ANKRD17: variants seen among roughly 807,000 people sequenced by gnomAD.
The protein encoded by ANKRD17 is ankyrin repeat domain 17, also known as ankyrin repeat domain-containing protein 17.
In ANKRD17, 19 loss-of-function variants were observed where a neutral mutation model predicts 229.7. The ratio of observed to expected loss-of-function variants is 0.08; its 90% CI spans 0.06 to 0.12. The LOEUF is 0.12. ANKRD17 is among the 10% of genes least tolerant of loss of function. The probability of loss-of-function intolerance (pLI) is 1.00; values close to 1 mark genes in which losing one functional copy is unlikely to be tolerated. For missense variants in ANKRD17, 2,176 were observed against 3,176.8 expected, an observed-to-expected ratio of 0.68 and a Z score of 7.57; for synonymous variants, 1,112 against 1,146.1, an observed-to-expected ratio of 0.97 and a Z score of 0.60.
At chr4:73,143,985 C>A (rs527237482) in intron 11 of ANKRD17, among the ~76,000 whole-genome samples, 2 of 152,168 alleles carry the variant, frequency 1.3e-5, no homozygotes, top group African/African-American at 4.8e-5. Flanking sequence ...AAAGGACCCT[C>A]CTGACTCGAG....
chr4:73,135,868 C>T (rs1423777731), intron 15 of ANKRD17, among the ~76,000 whole-genome samples: 1 of 152,160 alleles, frequency 6.6e-6, no homozygotes, highest in Non-Finnish European at 1.5e-5. Flanking sequence ...AGTGTAGTTG[C>T]TCATGTGAAG....
chr4:73,210,465 G>A (rs1343616351), intron 1 of ANKRD17, among the ~76,000 whole-genome samples: 3 of 152,088 alleles, frequency 2.0e-5, no homozygotes, highest in Non-Finnish European at 4.4e-5. Context: ...GTGTATATGT[G>A]TCATGCTCAC....
chr4:73,114,091 TGAA>T (rs1295211280), intron 23 of ANKRD17, among the ~76,000 whole-genome samples, 183 bp from the exon 24 acceptor site: 2 of 152,210 alleles, frequency 1.3e-5, no homozygotes, highest in Admixed American at 6.5e-5. Flanking sequence ...TATATACAAA[TGAA>T]GAATCAAAGA....
At chr4:73,142,494 GT>G (rs1259342236) in intron 12 of ANKRD17, 109 bp from the exon 13 acceptor site, 4 of 1,569,076 alleles carry the variant, frequency 2.5e-6, no homozygotes, top group Non-Finnish European at 3.5e-6. Flanking sequence ...AAAATCATAG[GT>G]TTGGTAAAGA....
chr4:73,109,078 T>C (rs998722279), intron 24 of ANKRD17, among the ~76,000 whole-genome samples: 5 of 152,288 alleles, frequency 3.3e-5, no homozygotes, highest in East Asian at 3.9e-4. Context: ...GGCGGGCAGA[T>C]TGCCTGAGGT....
At chr4:73,238,187 C>T (rs1048333453) in intron 1 of ANKRD17, among the ~76,000 whole-genome samples, 6 of 151,874 alleles carry the variant, frequency 4.0e-5, no homozygotes, top group Non-Finnish European at 5.9e-5. Context: ...TTATGAAAAT[C>T]CTTATAGGTC....
At chr4:73,182,375 TG>T (rs1422817199) in intron 1 of ANKRD17, among the ~76,000 whole-genome samples, 2 of 152,102 alleles carry the variant, frequency 1.3e-5, no homozygotes, top group African/African-American at 4.8e-5. Flanking sequence ...TGTTTACACA[TG>T]AAAAAACCAG....
At position 73,094,059 on chromosome 4, in the gene ANKRD17, T is replaced by C. The variant is rs772312758; in HGVS notation, c.5327+20A>G. On this transcript the variant is annotated intron_variant, in intron 28 of 33. Coordinates refer to ENST00000358602, the MANE Select transcript of ANKRD17 (RefSeq NM_032217.5). ...AGTGCAATAAAATAAAGGAAGAAAA[T>C]GTAAGAGACAAAGTTTTGCCTTATA... The C allele has an allele frequency of 1.4e-5, 23 of 1,610,250 alleles. No individual in the cohort carries two copies. The highest frequency in any genetic ancestry group is 1.8e-5 in the Non-Finnish European group (21 of 1,177,356).
chr4:73,175,424 G>T (rs1418841249), intron 2 of ANKRD17, among the ~76,000 whole-genome samples: 1 of 152,118 alleles, frequency 6.6e-6, no homozygotes, highest in Non-Finnish European at 1.5e-5. Context: ...TAAGATTTTG[G>T]TGGGGACACA....
intron 1 of ANKRD17, among the ~76,000 whole-genome samples, chr4:73,179,518 ATTTTT>A (rs56182757): frequency 4.9e-5 from 2 of 40,804 alleles, no homozygotes; most frequent in African/African-American, 1.8e-4. Flanking sequence ...ATATATATAT[ATTTTT>A]TTTTTTTTTT....
intron 5 of ANKRD17, 140 bp downstream of exon 5, chr4:73,155,491 C>CT: frequency 1.1e-6 from 1 of 901,506 alleles, no homozygotes; most frequent in Non-Finnish European, 1.7e-6. Context: ...TACTTCAAAA[C>CT]TCATACACAG....
In ANKRD17 at chr4:73,190,190, G is replaced by A. The variant is rs571262063; in HGVS notation, c.394-12657C>T. On this transcript the variant is annotated intron_variant, in intron 1 of 33. Coordinates refer to ENST00000358602, the MANE Select transcript of ANKRD17 (RefSeq NM_032217.5). ...TCGAGACCAGCCTGGCTAACATGGC[G>A]AAATCTTGTCTCTACTAAGAGTACA... Among the ~76,000 whole-genome samples, 73 of 152,134 alleles carry A rather than the reference G, an allele frequency of 4.8e-4. 1 individual carries two copies. Among genetic ancestry groups the A allele is most frequent in the Admixed American group, 2.1e-3 (32 of 15,264 alleles).
intron 16 of ANKRD17, among the ~76,000 whole-genome samples, chr4:73,131,479 A>C (rs1489128417): frequency 6.6e-6 from 1 of 152,160 alleles, no homozygotes; most frequent in Non-Finnish European, 1.5e-5. Flanking sequence ...TTATATTTTG[A>C]TGTTAAGTAT....
At chr4:73,176,947 T>C (rs1045910788) in intron 2 of ANKRD17, among the ~76,000 whole-genome samples, 2 of 152,206 alleles carry the variant, frequency 1.3e-5, no homozygotes, top group Admixed American at 6.5e-5. Context: ...CACTTATTTA[T>C]AGCAGGAGAG....
chr4:73,158,168 G>GAAAGAAAGAA (rs1560617640), intron 3 of ANKRD17, among the ~76,000 whole-genome samples: 1 of 149,814 alleles, frequency 6.7e-6, no homozygotes, highest in Non-Finnish European at 1.5e-5. Flanking sequence ...AAGAAAGAAA[G>GAAAGAAAGAA]AAAGAAAGAA....
At chr4:73,199,754 A>G (rs1390118391) in intron 1 of ANKRD17, among the ~76,000 whole-genome samples, 1 of 152,234 alleles carries the variant, frequency 6.6e-6, no homozygotes, top group African/African-American at 2.4e-5. Flanking sequence ...CGAAAGCTCA[A>G]TATGAGTAAT....
At chr4:73,174,759 C>T (rs944278254) in intron 2 of ANKRD17, among the ~76,000 whole-genome samples, 10 of 152,100 alleles carry the variant, frequency 6.6e-5, no homozygotes, top group African/African-American at 1.9e-4. Context: ...AAACTCAGTA[C>T]CATGTCTATA....
chr4:73,231,965 C>T (rs763492668), intron 1 of ANKRD17, among the ~76,000 whole-genome samples: 1 of 152,206 alleles, frequency 6.6e-6, no homozygotes, highest in Non-Finnish European at 1.5e-5. Flanking sequence ...AATTTCCATG[C>T]CCCTTGTCCC....
intron 29 of ANKRD17, among the ~76,000 whole-genome samples, chr4:73,087,862 GA>G (rs1181610674): frequency 6.6e-6 from 1 of 151,608 alleles, no homozygotes; most frequent in Non-Finnish European, 1.5e-5. Flanking sequence ...AGATAGGATA[GA>G]AAGGGGGAAA....
Sources: gnomAD v4.1 joint callset for allele counts (sites outside exome capture counted in the v4.1 genomes callset) on GRCh38, gnomAD v4.1.1 for gene constraint, MANE v1.5 for transcripts, NCBI Gene and HGNC (gene_info 2026-07-23, HGNC 2026-07-21) for gene names.